The following TAF4 variants were observed in gnomAD, a reference collection of about 807,000 sequenced individuals.
TAF4 encodes the protein transcription initiation factor TFIID subunit 4.
TAF4 carries 9 observed loss-of-function variants against 90.3 expected under a neutral mutation model. The ratio of observed to expected loss-of-function variants is 0.10; its 90% CI spans 0.06 to 0.17. TAF4 has a LOEUF of 0.17. TAF4 is among the 10% of genes least tolerant of loss of function. The pLI is 1.00. For missense variants in TAF4, 1,351 were observed against 1,370.7 expected, an observed-to-expected ratio of 0.99 and a Z score of 0.23; for synonymous variants, 818 against 638.9, an observed-to-expected ratio of 1.28 and a Z score of -4.23.
chr20:61,990,171 G>A (rs1480554671), intron 14 of TAF4, among the ~76,000 whole-genome samples: 2 of 152,142 alleles, frequency 1.3e-5, no homozygotes, highest in African/African-American at 2.4e-5. Context: ...TGGGTATCGT[G>A]TCAGAACAAG....
At chr20:62,017,509 T>C (rs2055818776) in intron 1 of TAF4, among the ~76,000 whole-genome samples, 1 of 151,204 alleles carries the variant, frequency 6.6e-6, no homozygotes, top group Non-Finnish European at 1.5e-5. Context: ...TAGCCAGGCA[T>C]GGTGGCGGGC....
chr20:62,029,161 A>G (rs2055890039), intron 1 of TAF4, among the ~76,000 whole-genome samples: 1 of 150,342 alleles, frequency 6.7e-6, no homozygotes, highest in Non-Finnish European at 1.5e-5. Context: ...GCGCCACTGC[A>G]CTCTAGCCTG....
chr20:62,064,223 C>T (rs1416119773), intron 1 of TAF4: 16 of 430,344 alleles, frequency 3.7e-5, no homozygotes, highest in Non-Finnish European at 5.9e-5. Flanking sequence ...CCAGCGCGGA[C>T]GTCAGGGACA....
intron 1 of TAF4, among the ~76,000 whole-genome samples, chr20:62,028,375 G>T (rs1022549547): frequency 6.6e-6 from 1 of 152,056 alleles, no homozygotes; most frequent in African/African-American, 2.4e-5. Flanking sequence ...GAAAAACATG[G>T]GTCAAACTTC....
chr20:61,984,363 AC>A (rs1413709785), intron 14 of TAF4, among the ~76,000 whole-genome samples: 6 of 152,190 alleles, frequency 3.9e-5, no homozygotes, highest in African/African-American at 1.4e-4. Flanking sequence ...ACACGCACCA[AC>A]CCCTCAATTC....
At chr20:62,013,579 G>T (rs555396616) in intron 2 of TAF4, among the ~76,000 whole-genome samples, 1 of 152,236 alleles carries the variant, frequency 6.6e-6, no homozygotes, top group African/African-American at 2.4e-5. Flanking sequence ...CCTCCGGCAC[G>T]TCCGTCCACG....
chr20:62,052,082 C>T (rs2056031785), intron 1 of TAF4, among the ~76,000 whole-genome samples: 1 of 152,168 alleles, frequency 6.6e-6, no homozygotes, highest in Admixed American at 6.5e-5. Context: ...CTCCCTGCAT[C>T]CCCGCAGCAC....
chr20:61,997,796 C>T, intron 13 of TAF4, 127 bp from the exon 14 acceptor site: 1 of 1,242,424 alleles, frequency 8.0e-7, no homozygotes, highest in Non-Finnish European at 1.1e-6. Flanking sequence ...AATGTTTTGA[C>T]TTTCTCAATA....
At chr20:62,014,019 G>GGTGTGGGT (rs1180312447) in intron 2 of TAF4, among the ~76,000 whole-genome samples, 22 of 126,468 alleles carry the variant, frequency 1.7e-4, no homozygotes, top group African/African-American at 7.6e-4. Context: ...CGGGGGTGTG[G>GGTGTGGGT]GTGTGTGTGT....
At chr20:62,014,104 C>G (rs116034994) in intron 2 of TAF4, among the ~76,000 whole-genome samples, 1 of 152,106 alleles carries the variant, frequency 6.6e-6, no homozygotes, top group African/African-American at 2.4e-5. Flanking sequence ...CAACCCCACT[C>G]GCACACAGCG....
intron 1 of TAF4, among the ~76,000 whole-genome samples, chr20:62,050,615 A>T (rs1201651423): frequency 2.0e-5 from 3 of 152,106 alleles, no homozygotes; most frequent in Non-Finnish European, 4.4e-5. Context: ...AGGACAAGAG[A>T]GTTCAATAAA....
intron 1 of TAF4, among the ~76,000 whole-genome samples, chr20:62,024,166 C>CA (rs770734175): frequency 1.2e-4 from 18 of 152,196 alleles, no homozygotes; most frequent in Non-Finnish European, 2.5e-4. Flanking sequence ...AGCAGGCCCA[C>CA]ACGCGGATGG....
chr20:62,006,487 C>A lies in TAF4; in HGVS notation c.2223+23G>T. The A allele has an allele frequency of 6.8e-7, 1 of 1,474,864 alleles. No individual in the cohort carries two copies. Among genetic ancestry groups the A allele is most frequent in the South Asian group, 1.4e-5 (1 of 74,034 alleles). The allele number at this position is 1,474,864 out of a possible 1,614,324, so 91.4% of individuals were successfully genotyped here. On this transcript the variant is annotated intron_variant, in intron 7 of 14. Transcript: ENST00000252996. The surrounding 1 kb of genome is among the most constrained non-coding windows in gnomAD (Gnocchi z 7.0). The stretch of plus-strand genomic sequence containing the variant: ...GCAGAGGCACGGTGGGCTGTGCAGA[C>A]CAGTCAGGCGCCCCTTCCATACCAG...
intron 9 of TAF4, among the ~76,000 whole-genome samples, chr20:62,002,921 A>C (rs1186266030): frequency 6.6e-6 from 1 of 152,258 alleles, no homozygotes; most frequent in South Asian, 2.1e-4. Flanking sequence ...TTCATATAAA[A>C]ATAATCAGTT....
intron 1 of TAF4, among the ~76,000 whole-genome samples, chr20:62,050,645 G>A (rs1189869736): frequency 6.6e-6 from 1 of 152,196 alleles, no homozygotes. Flanking sequence ...GGCTCCATGA[G>A]AGCCACAGGG....
chr20:62,006,530 G>T lies in TAF4; in HGVS notation c.2203C>A (p.Gln735Lys). The T allele has an allele frequency of 6.5e-7, 1 of 1,544,480 alleles. No individual in the cohort carries two copies. The highest frequency in any genetic ancestry group is 8.7e-7 in the Non-Finnish European group (1 of 1,146,376). ...CATACCAGCGGTGTGGGTTGCCCCT[G>T]CTTGCCGACGCCGACCTGCGTGGGC... Reference protein sequence around the residue: ...TQPTQVGVGKQGQPTPLVIQQ... With the variant: ...TQPTQVGVGKKGQPTPLVIQQ... Residue 735 changes from glutamine (Q) to lysine (K), a missense_variant, in exon 7 of 15, where the codon CAG (glutamine) becomes AAG (lysine). Physicochemically the swap from Gln to Lys is moderately conservative, Grantham distance 53 (BLOSUM62 1). Coordinates refer to ENST00000252996, the MANE Select transcript of TAF4 (RefSeq NM_003185.4). This position sits in a 1 kb window ranked among gnomAD's most constrained non-coding sequence, Gnocchi z 7.0.
At chr20:62,036,485 C>A (rs921190392) in intron 1 of TAF4, among the ~76,000 whole-genome samples, 1 of 152,200 alleles carries the variant, frequency 6.6e-6, no homozygotes, top group Non-Finnish European at 1.5e-5. Context: ...TAACATTACT[C>A]ATGCAGTACT....
intron 14 of TAF4, among the ~76,000 whole-genome samples, chr20:61,992,978 C>CTACT (rs1295858265): frequency 2.0e-5 from 3 of 152,176 alleles, no homozygotes; most frequent in Non-Finnish European, 4.4e-5. Flanking sequence ...AAACGTAAAA[C>CTACT]TACTGGTCAC....
At chr20:62,054,231 T>C (rs1483494612) in intron 1 of TAF4, among the ~76,000 whole-genome samples, 2 of 152,092 alleles carry the variant, frequency 1.3e-5, no homozygotes, top group African/African-American at 4.8e-5. Flanking sequence ...CCTGAAGGAG[T>C]GACAGGTGCC....
Sources: allele counts gnomAD v4.1 joint callset (sites outside exome capture counted in the v4.1 genomes callset), GRCh38; gene constraint gnomAD v4.1.1; non-coding constraint Gnocchi (gnomAD v3.1); transcripts MANE v1.5; gene names NCBI Gene and HGNC (gene_info 2026-07-23, HGNC 2026-07-21).